The following HTR1F variants were observed in gnomAD, a reference collection of about 807,000 sequenced individuals.
HTR1F encodes 5-hydroxytryptamine receptor 1F, also known as 5-hydroxytryptamine (serotonin) receptor 1F, G protein-coupled.
In HTR1F, 17 loss-of-function variants were observed where a neutral mutation model predicts 24.0. That is an observed-to-expected ratio of 0.71 (90% CI 0.48 to 1.06). The LOEUF is 1.06. Among genes scored for constraint, HTR1F ranks in the 50% least tolerant of loss-of-function variants. The pLI is 0.00. For missense variants in HTR1F, 391 were observed against 427.8 expected (o/e 0.91, Z 0.76); for synonymous variants, 186 against 156.8 (o/e 1.19, Z -1.39).
At chr3:87,875,316 G>A (rs1217265902) in intron 2 of HTR1F, among the ~76,000 whole-genome samples, 1 of 151,924 alleles carries the variant, frequency 6.6e-6, no homozygotes, top group Non-Finnish European at 1.5e-5. Flanking sequence ...CAGGCATGGT[G>A]GTGGCTGCCT....
chr3:87,964,700 A>G (rs1434455336), intron 2 of HTR1F, among the ~76,000 whole-genome samples: 2 of 152,198 alleles, frequency 1.3e-5, no homozygotes, highest in Non-Finnish European at 2.9e-5. Context: ...GGGAGAGACC[A>G]CTAGGATCTG....
intron 2 of HTR1F, among the ~76,000 whole-genome samples, chr3:87,980,440 T>C (rs1705515427): frequency 1.3e-5 from 2 of 152,174 alleles, no homozygotes; most frequent in African/African-American, 4.8e-5. Context: ...TCCAGGGTTT[T>C]TATGGGCTTC....
chr3:87,856,872 G>A (rs913036763), intron 2 of HTR1F, among the ~76,000 whole-genome samples: 3 of 151,984 alleles, frequency 2.0e-5, no homozygotes, highest in Non-Finnish European at 4.4e-5. Flanking sequence ...AATCTGTAGA[G>A]CCCCACATTA....
At chr3:87,808,791 G>T (rs1206878515) in intron 1 of HTR1F, among the ~76,000 whole-genome samples, 1 of 151,804 alleles carries the variant, frequency 6.6e-6, no homozygotes, top group Non-Finnish European at 1.5e-5. Flanking sequence ...GTATCCCATA[G>T]ATTTTGATAC....
chr3:87,869,258 T>C (rs537157179), intron 2 of HTR1F, among the ~76,000 whole-genome samples: 20 of 152,006 alleles, frequency 1.3e-4, no homozygotes, highest in Non-Finnish European at 2.4e-4. Context: ...AATAGGTCCT[T>C]GTAAGATATC....
At chr3:87,820,776 C>T (rs1559594316) in intron 1 of HTR1F, among the ~76,000 whole-genome samples, 1 of 151,962 alleles carries the variant, frequency 6.6e-6, no homozygotes, top group Admixed American at 6.6e-5. Context: ...AAGGAATAAA[C>T]ATAAAATAAA....
intron 1 of HTR1F, among the ~76,000 whole-genome samples, chr3:87,808,044 G>A (rs1704101088): frequency 6.6e-6 from 1 of 151,762 alleles, no homozygotes; most frequent in East Asian, 1.9e-4. Context: ...GAGAATTTCT[G>A]TACCTATGTT....
At chr3:87,801,472 G>A (rs191196955) in intron 1 of HTR1F, among the ~76,000 whole-genome samples, 1 of 152,300 alleles carries the variant, frequency 6.6e-6, no homozygotes, top group Admixed American at 6.5e-5. Flanking sequence ...GCCCAAGGTG[G>A]TCGGGGCACA....
At chr3:87,892,750 C>A (rs1045662640) in intron 2 of HTR1F, among the ~76,000 whole-genome samples, 1 of 151,774 alleles carries the variant, frequency 6.6e-6, no homozygotes, top group Non-Finnish European at 1.5e-5. Context: ...ATCGTGCGCC[C>A]TTTTGGGGCT....
At chr3:87,804,311 C>G (rs1017121085) in intron 1 of HTR1F, among the ~76,000 whole-genome samples, 10 of 151,940 alleles carry the variant, frequency 6.6e-5, no homozygotes, top group African/African-American at 2.2e-4. Context: ...GTGGTGCATG[C>G]CTGTGGTCCC....
At chr3:87,930,257 C>A (rs1332188280) in intron 2 of HTR1F, among the ~76,000 whole-genome samples, 1 of 152,114 alleles carries the variant, frequency 6.6e-6, no homozygotes, top group Non-Finnish European at 1.5e-5. Context: ...TCCTGTCTTC[C>A]TATTTGATGC....
chr3:87,945,858 C>CGG (rs1559644115), intron 2 of HTR1F, among the ~76,000 whole-genome samples: 2 of 150,460 alleles, frequency 1.3e-5, no homozygotes, highest in East Asian at 3.9e-4. Context: ...CAAAATGTTA[C>CGG]CGGGGGGGTC....
At chr3:87,888,250 A>G (rs1706001558) in intron 2 of HTR1F, among the ~76,000 whole-genome samples, 1 of 152,156 alleles carries the variant, frequency 6.6e-6, no homozygotes, top group Non-Finnish European at 1.5e-5. Flanking sequence ...TCTTTCACTC[A>G]TAGGTGTGAA....
intron 1 of HTR1F, among the ~76,000 whole-genome samples, chr3:87,801,815 A>C (rs549272253): frequency 5.3e-5 from 8 of 152,316 alleles, no homozygotes; most frequent in African/African-American, 1.4e-4. Context: ...GGAGATAGAT[A>C]GTTTATAGAA....
At chr3:87,825,449 C>T (rs1704443515) in intron 2 of HTR1F, among the ~76,000 whole-genome samples, 1 of 152,064 alleles carries the variant, frequency 6.6e-6, no homozygotes, top group Admixed American at 6.6e-5. Context: ...TCATATTTAC[C>T]TGGTGCTTGT....
chr3:87,928,676 G>T (rs1029770400), intron 2 of HTR1F, among the ~76,000 whole-genome samples: 3 of 151,990 alleles, frequency 2.0e-5, no homozygotes, highest in African/African-American at 4.8e-5. Context: ...CCTACTTTAC[G>T]TTTTGGTTTT....
chr3:87,841,923 GAA>G (rs370439117), intron 2 of HTR1F, among the ~76,000 whole-genome samples: 2,151 of 114,906 alleles, frequency 0.019, 64 homozygotes, highest in African/African-American at 0.06. Context: ...AAAAGAAAAA[GAA>G]AAAAAAAAAA....
At position 87,990,946 on chromosome 3, in the gene HTR1F, C is replaced by A. The variant is rs1705809162; in HGVS notation, c.197C>A (p.Ala66Glu). Residue 66 changes from alanine to glutamate, a missense_variant, in exon 3 of 3, where the codon GCA becomes GAA. By Grantham distance (107) the Ala-to-Glu change is moderately radical. Coordinates refer to ENST00000319595, the MANE Select transcript of HTR1F (RefSeq NM_001322209.2). ...GCCAATTATTTAATTTGTTCCCTTG[C>A]AGTCACAGATTTTCTTGTGGCTGTC... ...HPANYLICSL[A>E]VTDFLVAVLV... 6.2e-7 allele frequency: 1 copy of A among 1,614,116 alleles called. No individual in the cohort carries two copies. The highest frequency in any genetic ancestry group is 8.5e-7 in the Non-Finnish European group (1 of 1,179,992).
At chr3:87,881,952 C>T (rs1233278674) in intron 2 of HTR1F, among the ~76,000 whole-genome samples, 2 of 152,084 alleles carry the variant, frequency 1.3e-5, no homozygotes, top group Non-Finnish European at 2.9e-5. Context: ...ATTTTTGCAA[C>T]CTACTCATCT....
Sources: allele counts gnomAD v4.1 joint callset (sites outside exome capture counted in the v4.1 genomes callset), GRCh38; gene constraint gnomAD v4.1.1; transcripts MANE v1.5; gene names NCBI Gene and HGNC (gene_info 2026-07-23, HGNC 2026-07-21).